The following ADAMTSL3 variants were observed in gnomAD, a reference collection of about 807,000 sequenced individuals.
ADAMTSL3 encodes ADAMTS-like protein 3.
Under a neutral mutation model 201.7 loss-of-function variants are expected in ADAMTSL3, and 128 were observed. That is an observed-to-expected ratio of 0.63 (90% CI 0.55 to 0.73). The LOEUF (loss-of-function observed/expected upper bound fraction) is 0.73, where lower values mean the gene tolerates loss of function less well. ADAMTSL3 is among the 30% of genes least tolerant of loss of function. The pLI is 0.00. For missense variants in ADAMTSL3, 1,990 were observed against 2,119.6 expected (o/e 0.94, Z 1.20); for synonymous variants, 738 against 748.4 (o/e 0.99, Z 0.23).
At chr15:83,773,161 TC>T (rs1198172034) in intron 3 of ADAMTSL3, among the ~76,000 whole-genome samples, 1 of 152,044 alleles carries the variant, frequency 6.6e-6, no homozygotes, top group Non-Finnish European at 1.5e-5. Flanking sequence ...AGAAGATGAC[TC>T]TGGATTTGGG....
At chr15:83,856,476 C>T (rs940533123) in intron 7 of ADAMTSL3, among the ~76,000 whole-genome samples, 5 of 152,040 alleles carry the variant, frequency 3.3e-5, no homozygotes, top group Non-Finnish European at 7.4e-5. Context: ...CATGCCTGGC[C>T]CCCTCCTTTT....
intron 3 of ADAMTSL3, among the ~76,000 whole-genome samples, chr15:83,765,462 C>G (rs187144890): frequency 1.3e-5 from 2 of 152,060 alleles, no homozygotes; most frequent in East Asian, 3.9e-4. Context: ...CAATAAGTGA[C>G]CTTATATGTG....
chr15:83,863,694 A>G (rs1020434504), intron 8 of ADAMTSL3, among the ~76,000 whole-genome samples: 2 of 152,246 alleles, frequency 1.3e-5, no homozygotes, highest in East Asian at 3.8e-4. Context: ...CTCACATCAC[A>G]ATTAAAAGAA....
intron 6 of ADAMTSL3, among the ~76,000 whole-genome samples, chr15:83,830,578 G>A (rs1567175229): frequency 6.6e-6 from 1 of 152,230 alleles, no homozygotes; most frequent in East Asian, 1.9e-4. Flanking sequence ...CAGCCTCAGT[G>A]TGGTGTTGGA....
intron 27 of ADAMTSL3, among the ~76,000 whole-genome samples, chr15:84,028,122 A>C (rs899873147): frequency 2.6e-5 from 4 of 152,196 alleles, no homozygotes; most frequent in Admixed American, 6.5e-5. Flanking sequence ...AGTGACTGTT[A>C]AAGGTATGGG....
At chr15:83,884,808 G>A (rs1019263408) in intron 9 of ADAMTSL3, among the ~76,000 whole-genome samples, 3 of 152,128 alleles carry the variant, frequency 2.0e-5, no homozygotes, top group African/African-American at 7.2e-5. Flanking sequence ...AAGACAGTGT[G>A]AAACGAACAA....
chr15:83,982,045 C>T (rs1283737248), intron 20 of ADAMTSL3, among the ~76,000 whole-genome samples: 3 of 152,178 alleles, frequency 2.0e-5, no homozygotes, highest in Non-Finnish European at 2.9e-5. Flanking sequence ...TTTTCATGCA[C>T]CTCATTCACA....
intron 4 of ADAMTSL3, among the ~76,000 whole-genome samples, chr15:83,790,363 T>C (rs2063326084): frequency 6.6e-6 from 1 of 151,232 alleles, no homozygotes; most frequent in Non-Finnish European, 1.5e-5. Flanking sequence ...TTAAGAAAGA[T>C]ATAAAAGGAA....
intron 2 of ADAMTSL3, among the ~76,000 whole-genome samples, chr15:83,672,912 G>C (rs562298862): frequency 1.3e-5 from 2 of 152,336 alleles, no homozygotes; most frequent in Non-Finnish European, 2.9e-5. Context: ...GCTTTGAGCT[G>C]ACCTTGGAGC....
Position 83,873,026 on chromosome 15 carries a change from T to C in ADAMTSL3, c.960+2067T>C, listed in dbSNP as rs1596339531. Reference sequence around the variant, plus strand: ...TAATGTTTAAAAGGAAGAATGTGGCTGGGCGTGGTGGCTCATGCCTGTAAT... The same window carrying C: ...TAATGTTTAAAAGGAAGAATGTGGCCGGGCGTGGTGGCTCATGCCTGTAAT... On this transcript the variant is annotated intron_variant, in intron 9 of 29. Transcript: ENST00000286744. Among the ~76,000 whole-genome samples, 3 of 145,836 alleles carry C rather than the reference T, an allele frequency of 2.1e-5. 1 individual carries two copies. In the Middle Eastern group the frequency reaches 0.011, roughly 514 times the overall value.
intron 6 of ADAMTSL3, among the ~76,000 whole-genome samples, chr15:83,823,956 T>A (rs200180566): frequency 0.2 from 16,372 of 80,716 alleles, 1,964 homozygotes; most frequent in African/African-American, 0.34. Context: ...CTTCTTCTTC[T>A]TCTTCTTCTT....
chr15:83,998,657 C>T (rs976642556), intron 23 of ADAMTSL3, among the ~76,000 whole-genome samples: 4 of 152,144 alleles, frequency 2.6e-5, no homozygotes, highest in African/African-American at 9.7e-5. Context: ...TTGTTCATGT[C>T]CTCATGGCCT....
At chr15:83,688,055 G>T (rs180750073) in intron 2 of ADAMTSL3, among the ~76,000 whole-genome samples, 1 of 152,160 alleles carries the variant, frequency 6.6e-6, no homozygotes, top group Non-Finnish European at 1.5e-5. Context: ...AAGCCTTAAC[G>T]TTCAAACAAT....
At chr15:83,718,852 G>A (rs989306797) in intron 3 of ADAMTSL3, among the ~76,000 whole-genome samples, 1 of 152,032 alleles carries the variant, frequency 6.6e-6, no homozygotes, top group Admixed American at 6.6e-5. Flanking sequence ...TCATTACATT[G>A]AAAACAAATA....
rs991911619 is a variant in ADAMTSL3 at position 84,014,781 on chromosome 15, G to T, written c.4156+57G>T. 10 of 1,506,108 alleles carry T rather than the reference G, an allele frequency of 6.6e-6. No individual in the cohort carries two copies. In the Admixed American group the frequency reaches 1.2e-4, roughly 18 times the overall value. 93.3% of individuals were successfully genotyped at this position (1,506,108 alleles called of 1,614,324 possible). On this transcript the variant is annotated intron_variant, in intron 24 of 29. Coordinates refer to ENST00000286744, the MANE Select transcript of ADAMTSL3 (RefSeq NM_207517.3). ...GCCTCCTGTAATATGCACAAAGTAG[G>T]CCCCAGTTTTGTTGATTTTGGAGTT... is the stretch of plus-strand genomic sequence containing the variant.
intron 5 of ADAMTSL3, among the ~76,000 whole-genome samples, chr15:83,812,114 A>G (rs574343404): frequency 1.3e-5 from 2 of 152,358 alleles, no homozygotes; most frequent in South Asian, 2.1e-4. Context: ...AACTTGGAGT[A>G]TGAATATGGT....
chr15:83,990,003 T>A (rs1168868775), intron 22 of ADAMTSL3, among the ~76,000 whole-genome samples: 1 of 152,190 alleles, frequency 6.6e-6, no homozygotes, highest in Non-Finnish European at 1.5e-5. Context: ...TTTAAATAGG[T>A]CTCCTTGCAA....
At chr15:83,852,090 G>A (rs994322692) in intron 7 of ADAMTSL3, among the ~76,000 whole-genome samples, 1 of 151,738 alleles carries the variant, frequency 6.6e-6, no homozygotes, top group Non-Finnish European at 1.5e-5. Flanking sequence ...AGGTTTTTTT[G>A]CCTATCAGTT....
At chr15:83,901,298 G>T (rs2065719401) in intron 15 of ADAMTSL3, among the ~76,000 whole-genome samples, 1 of 152,148 alleles carries the variant, frequency 6.6e-6, no homozygotes, top group South Asian at 2.1e-4. Flanking sequence ...GAGTAAAGTA[G>T]TGGAGAGAGG....
Sources: gnomAD v4.1 joint callset for allele counts (sites outside exome capture counted in the v4.1 genomes callset) on GRCh38, gnomAD v4.1.1 for gene constraint, MANE v1.5 for transcripts, NCBI Gene and HGNC (gene_info 2026-07-23, HGNC 2026-07-21) for gene names.